Variants in IQSEC1 observed in about 807,000 individuals in gnomAD.
The protein encoded by IQSEC1 is IQ motif and SEC7 domain-containing protein 1.
In IQSEC1, 31 loss-of-function variants were observed where a neutral mutation model predicts 91.0. The observed-to-expected ratio is 0.34, with a 90% confidence interval of 0.26 to 0.46. IQSEC1 has a LOEUF of 0.46. Among genes scored for constraint, IQSEC1 ranks in the 20% least tolerant of loss-of-function variants. The probability of loss-of-function intolerance (pLI) is 1.00; values close to 1 mark genes in which losing one functional copy is unlikely to be tolerated. For missense variants in IQSEC1, 1,388 were observed against 1,575.6 expected (o/e 0.88, Z 2.02); for synonymous variants, 699 against 662.6 (o/e 1.05, Z -0.84).
intron 2 of IQSEC1, among the ~76,000 whole-genome samples, chr3:13,152,642 G>C (rs183085): frequency 6.6e-6 from 1 of 152,152 alleles, no homozygotes; most frequent in South Asian, 2.1e-4. Flanking sequence ...AGGCTGAGAC[G>C]GGCGGATCAC....
rs1310766030 is a variant in IQSEC1 at position 13,073,044 on chromosome 3, G to T, written c.-30C>A. 1 of 1,551,572 alleles carries T rather than the reference G, an allele frequency of 6.4e-7. No individual in the cohort carries two copies. ...TGTGAATCCGTTCTTCCCTGTTCTG[G>T]CTCCCTCTCCAGCGGGGAGGCTCAA... is the stretch of plus-strand genomic sequence containing the variant. On this transcript the variant is annotated 5_prime_UTR_variant, in exon 1 of 14. Transcript: ENST00000613206.
chr3:13,227,102 G>A (rs929917913), intron 1 of IQSEC1, among the ~76,000 whole-genome samples: 12 of 151,910 alleles, frequency 7.9e-5, no homozygotes, highest in Admixed American at 3.9e-4. Flanking sequence ...CCGGCCAGGC[G>A]TGGTGGCTCA....
Position 12,924,426 on chromosome 3 carries a change from T to C in IQSEC1, c.1730+155A>G, listed in dbSNP as rs1315336787. Among the ~76,000 whole-genome samples, 3 of 151,996 alleles carry C rather than the reference T, an allele frequency of 2.0e-5. No homozygotes were observed. Among genetic ancestry groups the C allele is most frequent in the Non-Finnish European group, 4.4e-5 (3 of 67,982 alleles). On this transcript the variant is annotated intron_variant, in intron 4 of 13. Coordinates refer to ENST00000613206, the MANE Select transcript of IQSEC1 (RefSeq NM_001134382.3). This position sits in a 1 kb window ranked among gnomAD's most constrained non-coding sequence, Gnocchi z 6.3. ...GCTGGGCAGATGTGGGGCATCTGCA[T>C]GTGTGTGTCTAGGACTTAGGAAGAG...
chr3:13,113,398 C>T (rs1353503037), intron 2 of IQSEC1, among the ~76,000 whole-genome samples: 2 of 152,202 alleles, frequency 1.3e-5, no homozygotes, highest in Non-Finnish European at 2.9e-5. Flanking sequence ...CTCTCTGGGC[C>T]TCAGCCTGTG....
Position 13,207,919 on chromosome 3 carries a change from A to T in IQSEC1, c.273-43786T>A, listed in dbSNP as rs960268947. On this transcript the variant is annotated intron_variant, in intron 1 of 15. Coordinates refer to the IQSEC1 transcript ENST00000648114. This position sits in a 1 kb window ranked among gnomAD's most constrained non-coding sequence, Gnocchi z 4.8. ...TGCAACATCAGCTCCAAGAGAGAGC[A>T]CAGCTTTGTCACTACAGAACCCCCA... 3.3e-5 allele frequency among the ~76,000 whole-genome samples: 5 copies of T among 152,176 alleles called. No homozygotes were observed. The highest frequency in any genetic ancestry group is 7.3e-5 in the Non-Finnish European group (5 of 68,032).
At chr3:13,176,196 A>G (rs1022530590) in intron 1 of IQSEC1, among the ~76,000 whole-genome samples, 2 of 152,286 alleles carry the variant, frequency 1.3e-5, no homozygotes, top group Admixed American at 6.5e-5. Flanking sequence ...TCAGAAGCAG[A>G]TCCCCCGACT....
chr3:13,270,620 G>A (rs1182277461), intron 1 of IQSEC1, among the ~76,000 whole-genome samples: 1 of 152,152 alleles, frequency 6.6e-6, no homozygotes, highest in East Asian at 1.9e-4. Flanking sequence ...TCTAGAACAA[G>A]TTTTATCATG....
At chr3:12,973,459 C>A (rs1441446579) in intron 1 of IQSEC1, among the ~76,000 whole-genome samples, 1 of 152,176 alleles carries the variant, frequency 6.6e-6, no homozygotes, top group African/African-American at 2.4e-5. Context: ...GTGGGCACCT[C>A]GACGGTAGGG....
intron 1 of IQSEC1, among the ~76,000 whole-genome samples, chr3:12,942,098 C>A (rs908131177): frequency 1.3e-5 from 2 of 152,188 alleles, no homozygotes; most frequent in Non-Finnish European, 1.5e-5. Context: ...TCTGACATCC[C>A]ATATACCTTC....
chr3:13,215,603 C>T (rs1041969706), intron 1 of IQSEC1, among the ~76,000 whole-genome samples: 1 of 152,204 alleles, frequency 6.6e-6, no homozygotes, highest in Non-Finnish European at 1.5e-5. Flanking sequence ...CAAAGTTGCA[C>T]AGATAATAAA....
At chr3:12,919,094 T>C (rs952138872) in intron 6 of IQSEC1, among the ~76,000 whole-genome samples, 1 of 75,378 alleles carries the variant, frequency 1.3e-5, no homozygotes, top group Non-Finnish European at 2.6e-5. Context: ...AGGCCCCGGG[T>C]GGATGTAGAG....
At chr3:12,961,347 T>G (rs1252182375) in intron 1 of IQSEC1, among the ~76,000 whole-genome samples, 4 of 152,242 alleles carry the variant, frequency 2.6e-5, no homozygotes, top group Admixed American at 6.5e-5. Context: ...CATTCCTATC[T>G]AAAGAAATCT....
chr3:13,101,438 C>A (rs1460937949), intron 2 of IQSEC1, among the ~76,000 whole-genome samples: 1 of 132,012 alleles, frequency 7.6e-6, no homozygotes. Context: ...AAAAAATGCA[C>A]CCTTCTACTG....
At chr3:12,915,480 C>A in intron 7 of IQSEC1, 114 bp downstream of exon 7, 1 of 1,188,392 alleles carries the variant, frequency 8.4e-7, no homozygotes, top group South Asian at 1.5e-5. Context: ...CAGAATTCAC[C>A]AGCCCTGCTG....
chr3:13,063,835 A>G (rs920324550), intron 1 of IQSEC1, among the ~76,000 whole-genome samples: 2 of 152,186 alleles, frequency 1.3e-5, no homozygotes, highest in African/African-American at 2.4e-5. Flanking sequence ...AGGGCAGTAG[A>G]GGTTGGTGAC....
chr3:12,967,468 G>T lies in IQSEC1; in HGVS notation c.24-25603C>A. 1 of 1,509,324 alleles carries T rather than the reference G, an allele frequency of 6.6e-7. No individual in the cohort carries two copies. The highest frequency in any genetic ancestry group is 1.4e-5 in the African/African-American group (1 of 69,460). The allele number at this position is 1,509,324 out of a possible 1,614,324, so 93.5% of individuals were successfully genotyped here. ...GCACCACATGGCGGCCGCAGTGGGA[G>T]CGGGCCGGGCCGGGAGCCGGGACCC... On this transcript the variant is annotated intron_variant, in intron 1 of 13. Transcript: ENST00000613206. The surrounding 1 kb of genome is among the most constrained non-coding windows in gnomAD (Gnocchi z 5.9).
intron 1 of IQSEC1, among the ~76,000 whole-genome samples, chr3:13,204,400 C>A (rs953738644): frequency 6.6e-6 from 1 of 152,256 alleles, no homozygotes. Flanking sequence ...CCACATCGGC[C>A]GAGGTTCGCC....
chr3:13,146,816 A>C (rs564786853), intron 2 of IQSEC1, among the ~76,000 whole-genome samples: 1 of 152,332 alleles, frequency 6.6e-6, no homozygotes, highest in African/African-American at 2.4e-5. Context: ...GCTGGGTGAC[A>C]GAGTGAGACT....
chr3:12,904,786 G>A (rs1298340510), intron 12 of IQSEC1, among the ~76,000 whole-genome samples: 1 of 152,176 alleles, frequency 6.6e-6, no homozygotes, highest in African/African-American at 2.4e-5. Flanking sequence ...GTCTGTAACC[G>A]GCAACTCCTT....
Sources: gnomAD v4.1 joint callset for allele counts (sites outside exome capture counted in the v4.1 genomes callset) on GRCh38, gnomAD v4.1.1 for gene constraint, Gnocchi (gnomAD v3.1) non-coding constraint, MANE v1.5 for transcripts, NCBI Gene and HGNC (gene_info 2026-07-23, HGNC 2026-07-21) for gene names.